Variants in CEMIP2 observed in about 807,000 individuals in gnomAD.
The protein encoded by CEMIP2 is cell migration inducing hyaluronidase 2.
In CEMIP2, 79 loss-of-function variants were observed where a neutral mutation model predicts 146.9. The ratio of observed to expected loss-of-function variants is 0.54; its 90% CI spans 0.45 to 0.65. The LOEUF (loss-of-function observed/expected upper bound fraction) is 0.65, where lower values mean the gene tolerates loss of function less well. Ranked by LOEUF, CEMIP2 falls within the 30% of genes least tolerant of loss-of-function variation. The pLI, the probability that CEMIP2 is intolerant of heterozygous loss-of-function variation, is 0.00. For missense variants in CEMIP2, 1,596 were observed against 1,696.2 expected, an observed-to-expected ratio of 0.94 and a Z score of 1.04; for synonymous variants, 601 against 606.3, an observed-to-expected ratio of 0.99 and a Z score of 0.13.
At chr9:71,743,276 C>A (rs986487435) in intron 4 of CEMIP2, among the ~76,000 whole-genome samples, 3 of 152,150 alleles carry the variant, frequency 2.0e-5, no homozygotes, top group Non-Finnish European at 4.4e-5. Flanking sequence ...GTGATTAATG[C>A]ATAGCAGAGG....
chr9:71,725,209 G>C (rs1589147075), intron 11 of CEMIP2, among the ~76,000 whole-genome samples: 1 of 152,306 alleles, frequency 6.6e-6, no homozygotes, highest in East Asian at 1.9e-4. Flanking sequence ...GCATGTGTTA[G>C]AAAGTGCAAA....
chr9:71,712,958 A>G (rs1181330939), intron 15 of CEMIP2, among the ~76,000 whole-genome samples: 2 of 152,240 alleles, frequency 1.3e-5, no homozygotes, highest in African/African-American at 4.8e-5. Flanking sequence ...GGATCTCTAT[A>G]GCAACTAATT....
At chr9:71,702,278 A>C (rs10435964) in intron 18 of CEMIP2, among the ~76,000 whole-genome samples, 74,525 of 144,682 alleles carry the variant, frequency 0.52, 20,035 homozygotes, top group East Asian at 0.65. Flanking sequence ...AAAAAAAAAA[A>C]AATATTGTTC....
intron 4 of CEMIP2, among the ~76,000 whole-genome samples, chr9:71,744,321 G>A (rs1168880412): frequency 6.6e-6 from 1 of 152,114 alleles, no homozygotes; most frequent in Non-Finnish European, 1.5e-5. Context: ...GCTGCAGTGA[G>A]ATACGATTGT....
chr9:71,756,936 T>C (rs373278748), intron 1 of CEMIP2, among the ~76,000 whole-genome samples: 9 of 152,342 alleles, frequency 5.9e-5, no homozygotes, highest in Admixed American at 4.6e-4. Context: ...TTCAATGCTG[T>C]GATCAAAGAG....
At chr9:71,757,739 T>C (rs1414382044) in intron 1 of CEMIP2, among the ~76,000 whole-genome samples, 2 of 152,088 alleles carry the variant, frequency 1.3e-5, no homozygotes, top group Admixed American at 6.5e-5. Context: ...TTAGATCTTC[T>C]GGTTTGGTTT....
chr9:71,749,493 G>A (rs994910522), intron 2 of CEMIP2, among the ~76,000 whole-genome samples: 23 of 151,856 alleles, frequency 1.5e-4, no homozygotes, highest in Admixed American at 5.2e-4. Context: ...ATCACCTGAG[G>A]TCAGGAGTTC....
At position 71,745,118 on chromosome 9, in the gene CEMIP2, T is replaced by C. The variant is rs144585491; in HGVS notation, c.934A>G (p.Ile312Val). 258 of 1,614,068 alleles carry C rather than the reference T, an allele frequency of 1.6e-4. No individual in the cohort carries two copies. Among genetic ancestry groups the C allele is most frequent in the Non-Finnish European group, 2.0e-4 (233 of 1,180,018 alleles). Reference sequence around the variant, plus strand: ...TTAGCGGCTGAATCCCCGACAGCTATGGCAACAATCCGACCTGGATCCTGG... The same window carrying C: ...TTAGCGGCTGAATCCCCGACAGCTACGGCAACAATCCGACCTGGATCCTGG... The part of the protein sequence containing the change: ...RFQDPGRIVA[I>V]AVGDSAAKSL... The change falls in exon 4 of 24, where the codon ATA becomes GTA. Residue 312 changes from isoleucine (I) to valine (V), a missense_variant. Physicochemically the swap from Ile to Val is conservative, Grantham distance 29. Coordinates refer to ENST00000377044, the MANE Select transcript of CEMIP2 (RefSeq NM_013390.3).
chr9:71,691,249 AAACTCC>A (rs1822217218), intron 21 of CEMIP2, among the ~76,000 whole-genome samples: 1 of 152,058 alleles, frequency 6.6e-6, no homozygotes, highest in African/African-American at 2.4e-5. Flanking sequence ...CAACAAGGTG[AAACTCC>A]ATCTCTACTT....
At position 71,745,025 on chromosome 9, in the gene CEMIP2, C is replaced by T; in HGVS notation, c.1027G>A (p.Gly343Ser). ...GGAAGAAGGTATGCCTACCTGTAGC[C>T]CAGTCCTTGGATCAGTTCACTTCCC... ...RLGSELIQGLGYRQAWALVGV... is the reference protein window; with the variant it reads ...RLGSELIQGLSYRQAWALVGV... The change falls in exon 4 of 24, where the codon GGC becomes AGC. Residue 343 changes from glycine to serine, a missense_variant. Physicochemically the swap from Gly to Ser is moderately conservative, Grantham distance 56. Transcript: ENST00000377044. 1 of 1,613,398 alleles carries T rather than the reference C, an allele frequency of 6.2e-7. No individual in the cohort carries two copies. The highest frequency in any genetic ancestry group is 1.1e-5 in the South Asian group (1 of 91,036).
chr9:71,685,298 G>A lies in CEMIP2; in HGVS notation c.4051C>T (p.Gln1351Ter), dbSNP rs146797147. 6.2e-7 allele frequency: 1 copy of A among 1,608,022 alleles called. No homozygotes were observed. Among genetic ancestry groups the A allele is most frequent in the Non-Finnish European group, 8.5e-7 (1 of 1,179,392 alleles). Residue 1351 changes from glutamine to a stop codon, truncating the protein, a stop_gained, in exon 24 of 24, where the codon CAA becomes TAA. Coordinates refer to ENST00000377044, the MANE Select transcript of CEMIP2 (RefSeq NM_013390.3). LOFTEE classifies it high-confidence loss of function. ...TCGTCCAGCTGCAAAGGTATGAATTGTTCAAGCACCCCAAGGCCCTGTCCA... is the reference window on the plus strand; with the variant it reads ...TCGTCCAGCTGCAAAGGTATGAATTATTCAAGCACCCCAAGGCCCTGTCCA... ...PAGQGLGVLEQFIPLQLDEYG... is the reference protein window; with the variant it reads ...PAGQGLGVLE
rs553675666 is a variant in CEMIP2, at chr9:71,717,624, G to A, written c.2399+324C>T. ...AAACTAAGGAGTTTTCAAGAGGAAGGGAAAAGATCCAGGTAGTTTTATTTA... is the reference window on the plus strand; with the variant it reads ...AAACTAAGGAGTTTTCAAGAGGAAGAGAAAAGATCCAGGTAGTTTTATTTA... On this transcript the variant is annotated intron_variant, in intron 13 of 23. Coordinates refer to ENST00000377044, the MANE Select transcript of CEMIP2 (RefSeq NM_013390.3). Among the ~76,000 whole-genome samples, 3 of 152,242 alleles carry A rather than the reference G, an allele frequency of 2.0e-5. No individual in the cohort carries two copies. The East Asian group carries it at 5.8e-4, about 29-fold the overall frequency.
intron 5 of CEMIP2, among the ~76,000 whole-genome samples, chr9:71,736,280 C>T (rs568602281): frequency 3.3e-4 from 51 of 152,248 alleles, no homozygotes; most frequent in South Asian, 1.5e-3. Flanking sequence ...TCTCTCTCTC[C>T]GGTATTCTCT....
rs114457173 is a variant in CEMIP2 at position 71,743,898 on chromosome 9, T to C, written c.1034+1120A>G. On this transcript the variant is annotated intron_variant, in intron 4 of 23. Transcript: ENST00000377044. ...AACAACCTACTATCAAAGGAAAAAA[T>C]AGTAACTAGATCATTACGGCATGTC... Among the ~76,000 whole-genome samples, 608 of 152,234 alleles carry C rather than the reference T, an allele frequency of 4.0e-3. 1 individual carries two copies. Among genetic ancestry groups the C allele is most frequent in the African/African-American group, 0.014 (594 of 41,534 alleles).
chr9:71,725,773 A>C, intron 10 of CEMIP2, 64 bp from the exon 11 acceptor site: 26 of 1,504,920 alleles, frequency 1.7e-5, no homozygotes, highest in East Asian at 2.3e-5. Flanking sequence ...AAACACTCTC[A>C]TAAACTAACT....
chr9:71,740,847 T>C (rs536386210), intron 4 of CEMIP2, among the ~76,000 whole-genome samples: 5 of 152,292 alleles, frequency 3.3e-5, no homozygotes, highest in Admixed American at 2.0e-4. Context: ...TGGGCAGTGG[T>C]TCTCAAACTT....
At chr9:71,722,274 C>T (rs1171313378) in intron 12 of CEMIP2, among the ~76,000 whole-genome samples, 153 bp downstream of exon 12, 1 of 152,140 alleles carries the variant, frequency 6.6e-6, no homozygotes, top group Non-Finnish European at 1.5e-5. Context: ...GGACCTGGGA[C>T]AACAGAATAA....
At chr9:71,743,826 T>C (rs1031204083) in intron 4 of CEMIP2, among the ~76,000 whole-genome samples, 3 of 152,224 alleles carry the variant, frequency 2.0e-5, no homozygotes, top group Non-Finnish European at 4.4e-5. Context: ...CACTATTTTT[T>C]GTCTTTCTAG....
rs1554684803 is a variant in CEMIP2 at position 71,728,302 on chromosome 9, C to CGTATATATACATAT, written c.2049+1542_2049+1543insATATGTATATATAC. 1.7e-4 allele frequency among the ~76,000 whole-genome samples: 2 copies of CGTATATATACATAT among 11,584 alleles called. 1 individual carries two copies. The allele number at this position is 11,584 out of a possible 152,430, so 7.6% of individuals were successfully genotyped here. On this transcript the variant is annotated intron_variant, in intron 10 of 23. Coordinates refer to ENST00000377044, the MANE Select transcript of CEMIP2 (RefSeq NM_013390.3). ...ATATGTATATATATATATATATATA[C>CGTATATATACATAT]ATATATATATATATACGTATATATA...
Sources: allele counts gnomAD v4.1 joint callset (sites outside exome capture counted in the v4.1 genomes callset), GRCh38; gene constraint gnomAD v4.1.1; transcripts MANE v1.5; gene names NCBI Gene and HGNC (gene_info 2026-07-23, HGNC 2026-07-21).